The following KHDRBS2 variants were observed in gnomAD, a reference collection of about 807,000 sequenced individuals.
KHDRBS2 encodes the protein KH RNA binding domain containing, signal transduction associated 2.
KHDRBS2 carries 26 observed loss-of-function variants against 44.3 expected under a neutral mutation model. The ratio of observed to expected loss-of-function variants is 0.59; its 90% CI spans 0.43 to 0.81. The LOEUF (loss-of-function observed/expected upper bound fraction) is 0.81, where lower values mean the gene tolerates loss of function less well. KHDRBS2 is among the 40% of genes least tolerant of loss of function. The pLI, the probability that KHDRBS2 is intolerant of heterozygous loss-of-function variation, is 0.00. For missense variants in KHDRBS2, 476 were observed against 433.1 expected (o/e 1.10, Z -0.88); for synonymous variants, 194 against 151.1 (o/e 1.28, Z -2.08).
chr6:61,804,220 A>G (rs1786759256), intron 6 of KHDRBS2, among the ~76,000 whole-genome samples: 1 of 152,190 alleles, frequency 6.6e-6, no homozygotes, highest in African/African-American at 2.4e-5. Context: ...TGCAAGTCTG[A>G]AATCCAACAA....
intron 7 of KHDRBS2, among the ~76,000 whole-genome samples, chr6:61,726,760 A>G (rs2127558301): frequency 6.6e-6 from 1 of 152,280 alleles, no homozygotes; most frequent in East Asian, 1.9e-4. Context: ...CCGCTGCTCA[A>G]GGAAATCAGA....
At chr6:61,886,496 C>T (rs1265625311) in intron 6 of KHDRBS2, among the ~76,000 whole-genome samples, 1 of 151,012 alleles carries the variant, frequency 6.6e-6, no homozygotes, top group African/African-American at 2.4e-5. Flanking sequence ...GTGATAATTC[C>T]CTTTCCTGGA....
intron 4 of KHDRBS2, among the ~76,000 whole-genome samples, chr6:61,954,582 ATT>A (rs1245265947): frequency 7.2e-6 from 1 of 139,778 alleles, no homozygotes; most frequent in Non-Finnish European, 1.5e-5. Context: ...ATGTAGACAT[ATT>A]TATGTATATA....
At chr6:61,596,266 C>T in the KHDRBS2 span, among the ~76,000 whole-genome samples, 8 of 152,208 alleles carry the variant, frequency 5.3e-5, no homozygotes, top group African/African-American at 1.9e-4. Context: ...ACAGAGGCAA[C>T]AGTTTCATGA....
chr6:62,084,785 A>T (rs1221773889), intron 2 of KHDRBS2, among the ~76,000 whole-genome samples: 1 of 152,170 alleles, frequency 6.6e-6, no homozygotes, highest in East Asian at 1.9e-4. Flanking sequence ...AATATGCTTC[A>T]GCTGAGAAAA....
At chr6:61,619,785 T>C in the KHDRBS2 span, among the ~76,000 whole-genome samples, 15 of 152,112 alleles carry the variant, frequency 9.9e-5, no homozygotes, top group Non-Finnish European at 2.9e-5. Flanking sequence ...TAGTATTCCA[T>C]GATGTGTATA....
At chr6:62,001,625 T>C (rs1778255231) in intron 3 of KHDRBS2, among the ~76,000 whole-genome samples, 1 of 152,126 alleles carries the variant, frequency 6.6e-6, no homozygotes, top group Admixed American at 6.6e-5. Context: ...GTAAATATAT[T>C]CACTTTTCAA....
intron 1 of KHDRBS2, among the ~76,000 whole-genome samples, chr6:62,185,181 T>C (rs770539284): frequency 1.3e-5 from 2 of 151,994 alleles, no homozygotes; most frequent in African/African-American, 4.8e-5. Flanking sequence ...TTTGTCTCCC[T>C]GTATTTTGTA....
intron 6 of KHDRBS2, chr6:61,816,983 A>C (rs1335667194): frequency 4.4e-6 from 2 of 455,872 alleles, no homozygotes; most frequent in Non-Finnish European, 8.8e-6. Flanking sequence ...CGTATCAAAA[A>C]ACAAGGAAAG....
At chr6:62,029,295 T>G (rs887351920) in intron 3 of KHDRBS2, among the ~76,000 whole-genome samples, 4 of 151,910 alleles carry the variant, frequency 2.6e-5, no homozygotes, top group Non-Finnish European at 4.4e-5. Flanking sequence ...TAATAGGACA[T>G]GTACTGCTTG....
At chr6:62,190,415 T>A (rs1252400929) in intron 1 of KHDRBS2, among the ~76,000 whole-genome samples, 1 of 152,074 alleles carries the variant, frequency 6.6e-6, no homozygotes, top group African/African-American at 2.4e-5. Context: ...TTCCTGAACC[T>A]TTTTCTAAAT....
chr6:61,566,024 TG>T, the KHDRBS2 span, among the ~76,000 whole-genome samples: 2 of 148,010 alleles, frequency 1.4e-5, no homozygotes, highest in South Asian at 2.2e-4. Context: ...TGTGTGTGTG[TG>T]TGCATGTGTG....
At chr6:61,798,825 A>T (rs1202919902) in intron 6 of KHDRBS2, among the ~76,000 whole-genome samples, 3 of 151,962 alleles carry the variant, frequency 2.0e-5, no homozygotes, top group Non-Finnish European at 2.9e-5. Flanking sequence ...ACATACCTTT[A>T]TTATATATAA....
chr6:61,865,837 G>A (rs1375063916), intron 6 of KHDRBS2, among the ~76,000 whole-genome samples: 2 of 152,198 alleles, frequency 1.3e-5, no homozygotes, highest in East Asian at 3.9e-4. Flanking sequence ...ATCTGGTGGG[G>A]TAGTCTAATC....
the KHDRBS2 span, among the ~76,000 whole-genome samples, chr6:61,585,147 A>G: frequency 2.0e-5 from 3 of 152,000 alleles, no homozygotes; most frequent in Non-Finnish European, 4.4e-5. Flanking sequence ...AATCATTTTT[A>G]CTTAAAACCC....
At position 62,286,148 on chromosome 6, in the gene KHDRBS2, C is replaced by G. The variant is rs562764739; in HGVS notation, c.-200G>C. ...GCGTGGCCCCGCGCCCACACCTGCC[C>G]GTCCCTTCCGTCGTCCCTCGCTCGC... is the stretch of plus-strand genomic sequence containing the variant. On this transcript the variant is annotated 5_prime_UTR_variant, in exon 1 of 9. Coordinates refer to ENST00000281156, the MANE Select transcript of KHDRBS2 (RefSeq NM_152688.4). 8 of 559,824 alleles carry G rather than the reference C, an allele frequency of 1.4e-5. No homozygotes were observed. Among genetic ancestry groups the G allele is most frequent in the Middle Eastern group, 4.6e-4 (1 of 2,166 alleles). 34.7% of individuals were successfully genotyped at this position (559,824 alleles called of 1,614,324 possible).
At chr6:62,041,392 C>T (rs1401177984) in intron 3 of KHDRBS2, among the ~76,000 whole-genome samples, 5 of 151,988 alleles carry the variant, frequency 3.3e-5, no homozygotes, top group Admixed American at 3.3e-4. Context: ...AAATAATAGA[C>T]CATCCTCAGT....
At chr6:62,143,734 T>C (rs771463212) in intron 2 of KHDRBS2, among the ~76,000 whole-genome samples, 24 of 151,970 alleles carry the variant, frequency 1.6e-4, no homozygotes, top group Non-Finnish European at 2.5e-4. Context: ...TTAGAACAGA[T>C]TGTAGTATTT....
intron 2 of KHDRBS2, among the ~76,000 whole-genome samples, chr6:62,113,532 G>C (rs1805513731): frequency 6.6e-6 from 1 of 152,114 alleles, no homozygotes; most frequent in Non-Finnish European, 1.5e-5. Flanking sequence ...CATGGCAAGT[G>C]ATGTGGATGT....
Sources: allele counts gnomAD v4.1 joint callset (sites outside exome capture counted in the v4.1 genomes callset), GRCh38; gene constraint gnomAD v4.1.1; transcripts MANE v1.5; gene names NCBI Gene and HGNC (gene_info 2026-07-23, HGNC 2026-07-21).